Variants in GDAP1 observed in about 807,000 individuals in gnomAD.
GDAP1 encodes ganglioside induced differentiation associated protein 1.
In GDAP1, 34 loss-of-function variants were observed where a neutral mutation model predicts 40.1. That is an observed-to-expected ratio of 0.85 (90% CI 0.64 to 1.13). GDAP1 has a LOEUF of 1.13. GDAP1 is among the 50% of genes most tolerant of loss of function. GDAP1 has a pLI of 0.00. For missense variants in GDAP1, 374 were observed against 433.7 expected, an observed-to-expected ratio of 0.86 and a Z score of 1.22; for synonymous variants, 170 against 157.4, an observed-to-expected ratio of 1.08 and a Z score of -0.60.
At chr8:74,432,896 T>C (rs751726647) in intron 2 of GDAP1, among the ~76,000 whole-genome samples, 8 of 152,226 alleles carry the variant, frequency 5.3e-5, no homozygotes, top group Non-Finnish European at 8.8e-5. Context: ...GGTTCTTTTG[T>C]ACTTGGAATA....
intron 2 of GDAP1, among the ~76,000 whole-genome samples, chr8:74,426,949 G>A (rs1338534232): frequency 6.6e-6 from 1 of 152,102 alleles, no homozygotes; most frequent in Non-Finnish European, 1.5e-5. Flanking sequence ...AGACCTATGT[G>A]GTAGATTGTT....
chr8:74,404,534 C>A (rs1805611523), intron 2 of GDAP1, among the ~76,000 whole-genome samples: 1 of 149,642 alleles, frequency 6.7e-6, no homozygotes, highest in Non-Finnish European at 1.5e-5. Flanking sequence ...AAAGCTGAGT[C>A]ACTCACCTAA....
chr8:74,391,168 C>T (rs138735151), intron 2 of GDAP1, among the ~76,000 whole-genome samples: 6 of 151,994 alleles, frequency 3.9e-5, no homozygotes, highest in East Asian at 3.9e-4. Flanking sequence ...GACTTCAGCC[C>T]GCTTTACAGG....
At chr8:74,354,260 G>T (rs535745883) in intron 2 of GDAP1, among the ~76,000 whole-genome samples, 1 of 152,282 alleles carries the variant, frequency 6.6e-6, no homozygotes, top group South Asian at 2.1e-4. Flanking sequence ...TGGGAATAGT[G>T]TATCTTATGA....
intron 2 of GDAP1, among the ~76,000 whole-genome samples, chr8:74,422,352 C>CTTTCTTTCCTT (rs1563465558): frequency 1.5e-4 from 5 of 34,222 alleles, no homozygotes; most frequent in African/African-American, 5.2e-4. Flanking sequence ...TTTCTTTCTT[C>CTTTCTTTCCTT]CCTTCCTTCC....
At chr8:74,399,625 C>G (rs898060574) in intron 2 of GDAP1, among the ~76,000 whole-genome samples, 1 of 136,100 alleles carries the variant, frequency 7.3e-6, no homozygotes, top group African/African-American at 3.2e-5. Flanking sequence ...TTTTCTAGTT[C>G]TTTTAATTGT....
chr8:74,408,560 A>C (rs1318762357), intron 2 of GDAP1, among the ~76,000 whole-genome samples: 4 of 150,030 alleles, frequency 2.7e-5, no homozygotes, highest in Admixed American at 2.6e-4. Context: ...TGAGCCAGGA[A>C]ACACATCCTC....
chr8:74,416,984 C>T (rs1228725083), intron 2 of GDAP1, among the ~76,000 whole-genome samples: 3 of 140,588 alleles, frequency 2.1e-5, no homozygotes, highest in South Asian at 2.2e-4. Context: ...GAAGGAAAGT[C>T]GGCAGCTCTA....
At chr8:74,371,075 C>T (rs1163974446), downstream of GDAP1, among the ~76,000 whole-genome samples, 1 of 152,174 alleles carries the variant, frequency 6.6e-6, no homozygotes, top group Non-Finnish European at 1.5e-5. Context: ...TATAGAAGAT[C>T]TGAGCACACT....
At chr8:74,430,225 T>G (rs1297171854) in intron 2 of GDAP1, among the ~76,000 whole-genome samples, 1 of 152,250 alleles carries the variant, frequency 6.6e-6, no homozygotes, top group Non-Finnish European at 1.5e-5. Flanking sequence ...ACATTGTTGA[T>G]GTGATTGCAA....
In GDAP1 at chr8:74,418,319, G is replaced by A. The variant is rs190932155; in HGVS notation, c.165+66998G>A. On this transcript the variant is annotated intron_variant, in intron 2 of 2. Transcript: ENST00000523640. The stretch of plus-strand genomic sequence containing the variant: ...AAGCTACAGTATTCAAGTTGATGTG[G>A]CATTGGTGAAGGGATAAGCATATGG... Among the ~76,000 whole-genome samples, 270 of 152,322 alleles carry A rather than the reference G, an allele frequency of 1.8e-3. 1 individual carries two copies. Among genetic ancestry groups the A allele is most frequent in the African/African-American group, 6.4e-3 (264 of 41,574 alleles).
chr8:74,385,545 A>G (rs1586817386), intron 2 of GDAP1, among the ~76,000 whole-genome samples: 1 of 152,284 alleles, frequency 6.6e-6, no homozygotes, highest in East Asian at 1.9e-4. Flanking sequence ...TCCATGGTGT[A>G]TATGTGCCAC....
chr8:74,356,624 G>T, intron 2 of GDAP1, among the ~76,000 whole-genome samples: 1 of 145,976 alleles, frequency 6.9e-6, no homozygotes. Flanking sequence ...CATATCTTTT[G>T]CCTCAGGTCA....
chr8:74,463,336 T>C (rs1403623646), intron 2 of GDAP1, among the ~76,000 whole-genome samples: 1 of 150,262 alleles, frequency 6.7e-6, no homozygotes, highest in African/African-American at 2.5e-5. Flanking sequence ...TGTGCACTTG[T>C]GGTCCCAGCT....
intron 2 of GDAP1, among the ~76,000 whole-genome samples, chr8:74,357,141 G>A (rs1809140300): frequency 6.6e-6 from 1 of 152,154 alleles, no homozygotes; most frequent in South Asian, 2.1e-4. Flanking sequence ...AAACAGCAAA[G>A]GGCTAGAGTG....
chr8:74,446,342 C>T (rs144849020), intron 2 of GDAP1, among the ~76,000 whole-genome samples: 8 of 152,186 alleles, frequency 5.3e-5, no homozygotes, highest in East Asian at 1.9e-4. Flanking sequence ...TTATGATGCA[C>T]GTTTTGCCTG....
At chr8:74,352,022 A>G (rs1808900150) in intron 2 of GDAP1, among the ~76,000 whole-genome samples, 1 of 152,246 alleles carries the variant, frequency 6.6e-6, no homozygotes, top group African/African-American at 2.4e-5. Context: ...TGTGTCAGAC[A>G]TTTTATAATT....
rs147575845 is a variant in GDAP1, at chr8:74,360,528, A to T, written c.484+218A>T. On this transcript the variant is annotated intron_variant, in intron 3 of 5. Coordinates refer to ENST00000220822, the MANE Select transcript of GDAP1 (RefSeq NM_018972.4). ...ATTTATTGTCTATAGGACCTGATTTATCAGCTCTTGGCTTTGAGGGCCAAT... is the reference window on the plus strand; with the variant it reads ...ATTTATTGTCTATAGGACCTGATTTTTCAGCTCTTGGCTTTGAGGGCCAAT... 3.4e-3 allele frequency among the ~76,000 whole-genome samples: 522 copies of T among 152,320 alleles called. 6 individuals are homozygous for T. Among genetic ancestry groups the T allele is most frequent in the African/African-American group, 0.012 (500 of 41,578 alleles).
downstream of GDAP1, among the ~76,000 whole-genome samples, chr8:74,368,008 C>G (rs540424201): frequency 2.0e-5 from 3 of 152,252 alleles, no homozygotes; most frequent in African/African-American, 7.2e-5. Flanking sequence ...GGTGGTGTAT[C>G]TATTTCATTC....
Sources: allele counts gnomAD v4.1 joint callset (sites outside exome capture counted in the v4.1 genomes callset), GRCh38; gene constraint gnomAD v4.1.1; transcripts MANE v1.5; gene names NCBI Gene and HGNC (gene_info 2026-07-23, HGNC 2026-07-21).